Variants in ZNF521 observed in about 807,000 individuals in gnomAD.
ZNF521 encodes the protein zinc finger protein 521, also known as LYST-interacting protein 3.
In ZNF521, 14 loss-of-function variants were observed where a neutral mutation model predicts 105.5. That is an observed-to-expected ratio of 0.13 (90% CI 0.09 to 0.21). ZNF521 has a LOEUF of 0.21. ZNF521 is among the 10% of genes least tolerant of loss of function. ZNF521 has a pLI of 1.00. For synonymous variants in ZNF521, 635 were observed against 606.0 expected (o/e 1.05, Z -0.70); for missense variants, 1,233 against 1,629.7 (o/e 0.76, Z 4.19).
intron 7 of ZNF521, among the ~76,000 whole-genome samples, chr18:25,073,208 C>T (rs2144131949): frequency 6.6e-6 from 1 of 152,214 alleles, no homozygotes; most frequent in African/African-American, 2.4e-5. Context: ...ATTTAACAGC[C>T]TTGTGTACCA....
rs190140539 is a variant in ZNF521, at chr18:25,245,292, A to C, written c.221-17595T>G. 3.3e-5 allele frequency among the ~76,000 whole-genome samples: 5 copies of C among 152,352 alleles called. No homozygotes were observed. In the East Asian group the frequency reaches 9.7e-4, roughly 29 times the overall value. On this transcript the variant is annotated intron_variant, in intron 3 of 7. Transcript: ENST00000361524. ...TGTTTTAGGTTGGCTGTAGGTTCACAGCAAAATTGAGCAGAAAGTACAGGG... is the reference window on the plus strand; with the variant it reads ...TGTTTTAGGTTGGCTGTAGGTTCACCGCAAAATTGAGCAGAAAGTACAGGG...
intron 3 of ZNF521, among the ~76,000 whole-genome samples, chr18:25,267,134 C>T (rs936271946): frequency 4.6e-5 from 7 of 152,144 alleles, no homozygotes; most frequent in Admixed American, 2.6e-4. Flanking sequence ...GGCAGTTTTA[C>T]CCTCACAGTG....
chr18:25,151,383 C>T (rs1462204528), intron 5 of ZNF521, among the ~76,000 whole-genome samples: 1 of 152,188 alleles, frequency 6.6e-6, no homozygotes, highest in African/African-American at 2.4e-5. Context: ...TGGTCATCTT[C>T]TAACACCTTG....
intron 7 of ZNF521, among the ~76,000 whole-genome samples, chr18:25,075,383 T>C (rs1427695264): frequency 3.9e-5 from 6 of 152,226 alleles, no homozygotes; most frequent in African/African-American, 7.2e-5. Context: ...AAATAGAGTC[T>C]GCATTGTGGT....
rs182752195 is a variant in ZNF521 at position 25,075,470 on chromosome 18, G to A, written c.3907-12729C>T. On this transcript the variant is annotated intron_variant, in intron 7 of 7. Transcript: ENST00000361524. Reference sequence around the variant, plus strand: ...CTTTACTTCTGTCACAAGTCCTGTTGCTCCTGTGAGTTTGCTTAATAACAC... The same window carrying A: ...CTTTACTTCTGTCACAAGTCCTGTTACTCCTGTGAGTTTGCTTAATAACAC... 3.8e-3 allele frequency among the ~76,000 whole-genome samples: 574 copies of A among 152,272 alleles called. 5 individuals are homozygous for A. The highest frequency in any genetic ancestry group is 0.013 in the African/African-American group (545 of 41,552).
chr18:25,207,252 A>G (rs2036097843), intron 4 of ZNF521, among the ~76,000 whole-genome samples: 1 of 152,168 alleles, frequency 6.6e-6, no homozygotes, highest in South Asian at 2.1e-4. Context: ...TGACTCACAG[A>G]AAGTGACCAA....
Position 25,206,860 on chromosome 18 carries a change from T to C in ZNF521, c.3574-11616A>G, listed in dbSNP as rs531711082. ...AATTACACCCACACAATGCTGTGGG[T>C]GCTGACTTTATTATTCCTGTTGTTT... is the stretch of plus-strand genomic sequence containing the variant. On this transcript the variant is annotated intron_variant, in intron 4 of 7. Coordinates refer to ENST00000361524, the MANE Select transcript of ZNF521 (RefSeq NM_015461.3). Among the ~76,000 whole-genome samples the C allele has an allele frequency of 3.3e-5, 5 of 152,252 alleles. No individual in the cohort carries two copies. In the South Asian group the frequency reaches 1.0e-3, roughly 32 times the overall value.
At chr18:25,278,220 G>A (rs931856280) in intron 3 of ZNF521, among the ~76,000 whole-genome samples, 4 of 152,086 alleles carry the variant, frequency 2.6e-5, no homozygotes, top group Non-Finnish European at 5.9e-5. Flanking sequence ...CTTGTATTTT[G>A]AATAGCACTT....
At chr18:25,304,268 G>C (rs2145081702) in intron 3 of ZNF521, among the ~76,000 whole-genome samples, 1 of 152,290 alleles carries the variant, frequency 6.6e-6, no homozygotes, top group Non-Finnish European at 1.5e-5. Context: ...GTTGAATTAA[G>C]AGACTGGATG....
chr18:25,120,592 A>C (rs200700581), intron 5 of ZNF521, among the ~76,000 whole-genome samples: 46 of 80,526 alleles, frequency 5.7e-4, no homozygotes, highest in African/African-American at 1.9e-3. Context: ...TAAAAAAAAA[A>C]AAAAAAAAAA....
At chr18:25,082,413 A>T (rs2033515226) in intron 7 of ZNF521, among the ~76,000 whole-genome samples, 2 of 152,062 alleles carry the variant, frequency 1.3e-5, no homozygotes, top group South Asian at 4.1e-4. Flanking sequence ...TCAGTATAGG[A>T]CCCGGATATG....
intron 2 of ZNF521, among the ~76,000 whole-genome samples, chr18:25,348,023 T>C (rs1173699026): frequency 6.6e-6 from 1 of 152,204 alleles, no homozygotes; most frequent in Non-Finnish European, 1.5e-5. Context: ...ATCTACATGG[T>C]TTTGAAATAC....
chr18:25,292,780 A>T (rs1911111432), intron 3 of ZNF521, among the ~76,000 whole-genome samples: 1 of 152,166 alleles, frequency 6.6e-6, no homozygotes, highest in Admixed American at 6.5e-5. Context: ...AAAGTGGGAG[A>T]TGAGGGGATT....
chr18:25,097,911 AG>A (rs1368237777), intron 5 of ZNF521, among the ~76,000 whole-genome samples: 1 of 152,122 alleles, frequency 6.6e-6, no homozygotes, highest in African/African-American at 2.4e-5. Context: ...CATTATCAGC[AG>A]GGCTGGAGCA....
chr18:25,081,906 T>G (rs2033504228), intron 7 of ZNF521, among the ~76,000 whole-genome samples: 4 of 152,202 alleles, frequency 2.6e-5, no homozygotes. Context: ...GTCCTGTTTG[T>G]GTCCTATGTG....
At chr18:25,172,198 TA>T (rs1419260954) in intron 5 of ZNF521, among the ~76,000 whole-genome samples, 1 of 152,134 alleles carries the variant, frequency 6.6e-6, no homozygotes, top group Non-Finnish European at 1.5e-5. Flanking sequence ...GGCCTGAAAT[TA>T]TATCAGACAT....
At position 25,352,132 on chromosome 18, in the gene ZNF521, G is replaced by A; in HGVS notation, c.-129C>T. 2 of 425,040 alleles carry A rather than the reference G, an allele frequency of 4.7e-6. No individual in the cohort carries two copies. The highest frequency in any genetic ancestry group is 9.6e-6 in the Non-Finnish European group (2 of 207,308). The allele number at this position is 425,040 out of a possible 1,614,324, so 26.3% of individuals were successfully genotyped here. A position where few individuals can be genotyped will look rare whatever the true frequency, so the allele number is the denominator to read the frequency against. On this transcript the variant is annotated 5_prime_UTR_variant, in exon 1 of 8. In the 5' UTR this introduces an upstream ATG that the reference lacks. Coordinates refer to ENST00000361524, the MANE Select transcript of ZNF521 (RefSeq NM_015461.3). The stretch of plus-strand genomic sequence containing the variant: ...TAACCCGCAGGGACTCGCTCTGTAC[G>A]TAATCACTGAGGAAATCATTGTCAG...
At chr18:25,202,250 A>C (rs2036004970) in intron 4 of ZNF521, 1 of 152,220 alleles carries the variant, frequency 6.6e-6, no homozygotes, top group Non-Finnish European at 1.5e-5. Flanking sequence ...CGCATCTGCA[A>C]TCAACCTCTG....
At chr18:25,230,595 G>T (rs1304190259) in intron 3 of ZNF521, among the ~76,000 whole-genome samples, 1 of 138,734 alleles carries the variant, frequency 7.2e-6, no homozygotes, top group East Asian at 2.3e-4. Context: ...ACACGTGGAA[G>T]AAACTGTAGA....
Sources: gnomAD v4.1 joint callset for allele counts (sites outside exome capture counted in the v4.1 genomes callset) on GRCh38, gnomAD v4.1.1 for gene constraint, MANE v1.5 for transcripts, NCBI Gene and HGNC (gene_info 2026-07-23, HGNC 2026-07-21) for gene names.